IMPG2: variants seen among roughly 807,000 people sequenced by gnomAD.
The protein encoded by IMPG2 is interphotoreceptor matrix proteoglycan 2, also known as IPM 200.
Under a neutral mutation model 129.2 loss-of-function variants are expected in IMPG2, and 91 were observed. The observed-to-expected ratio is 0.70, with a 90% CI of 0.59 to 0.84. The LOEUF is 0.84. Among genes scored for constraint, IMPG2 ranks in the 40% least tolerant of loss-of-function variants. The pLI is 0.00. For missense variants in IMPG2, 1,430 were observed against 1,461.7 expected (o/e 0.98, Z 0.35); for synonymous variants, 510 against 517.7 (o/e 0.99, Z 0.20).
chr3:101,237,081 A>C (rs549040823), intron 14 of IMPG2, among the ~76,000 whole-genome samples: 35 of 152,270 alleles, frequency 2.3e-4, no homozygotes, highest in Middle Eastern at 3.4e-3. Flanking sequence ...TTCCCCTCAC[A>C]GTGTAAATAA....
chr3:101,288,132 A>G (rs941490475), intron 4 of IMPG2, among the ~76,000 whole-genome samples: 25 of 152,252 alleles, frequency 1.6e-4, no homozygotes, highest in African/African-American at 5.3e-4. Flanking sequence ...ATATGAAAAA[A>G]TGCTCAGCAT....
intron 2 of IMPG2, among the ~76,000 whole-genome samples, chr3:101,313,893 C>T (rs955425751): frequency 6.6e-6 from 1 of 151,956 alleles, no homozygotes; most frequent in Non-Finnish European, 1.5e-5. Context: ...AGCAAAGTTG[C>T]AGGATAAAAG....
At chr3:101,256,170 A>AAAG (rs1642492129) in intron 10 of IMPG2, among the ~76,000 whole-genome samples, 2 of 147,996 alleles carry the variant, frequency 1.4e-5, no homozygotes, top group South Asian at 4.4e-4. Flanking sequence ...AGAAAGAAAG[A>AAAG]AAGAAAGAAA....
chr3:101,288,286 T>C (rs1015481005), intron 4 of IMPG2, among the ~76,000 whole-genome samples: 2 of 152,188 alleles, frequency 1.3e-5, no homozygotes, highest in Non-Finnish European at 2.9e-5. Flanking sequence ...TTAGTAGGAA[T>C]GTAAATTAGT....
chr3:101,243,849 C>T lies in IMPG2; in HGVS notation c.2482G>A (p.Glu828Lys), dbSNP rs1385745860. Residue 828 changes from glutamate (E) to lysine (K), a missense_variant, in exon 13 of 19, where the codon GAG becomes AAG. Transcript: ENST00000193391. Reference protein sequence around the residue: ...LPPTTISTLLEDEVIMGVQDI... With the variant: ...LPPTTISTLLKDEVIMGVQDI... The stretch of plus-strand genomic sequence containing the variant: ...TGTACACCCATAATTACTTCATCCT[C>T]TAGCAGGGTGGAGATTGTGGTTGGA... The T allele has an allele frequency of 1.9e-6, 3 of 1,614,062 alleles. No homozygotes were observed. The highest frequency in any genetic ancestry group is 2.7e-5 in the African/African-American group (2 of 74,938).
intron 9 of IMPG2, among the ~76,000 whole-genome samples, chr3:101,266,962 A>G (rs1219230251): frequency 2.0e-5 from 3 of 152,182 alleles, no homozygotes; most frequent in Non-Finnish European, 2.9e-5. Context: ...CCAAGCCTCC[A>G]TTCAGTTACA....
At chr3:101,229,145 A>C (rs1706254856) in intron 17 of IMPG2, among the ~76,000 whole-genome samples, 1 of 151,984 alleles carries the variant, frequency 6.6e-6, no homozygotes, top group Non-Finnish European at 1.5e-5. Context: ...ACGCAAAAAA[A>C]AAAAAAAAGC....
At chr3:101,300,510 G>A (rs1192471401) in intron 3 of IMPG2, among the ~76,000 whole-genome samples, 1 of 152,222 alleles carries the variant, frequency 6.6e-6, no homozygotes, top group Non-Finnish European at 1.5e-5. Context: ...TGGGACCCTA[G>A]GCCCCGGAGG....
chr3:101,246,193 C>G, intron 11 of IMPG2, 88 bp from the exon 12 acceptor site: 1 of 1,294,786 alleles, frequency 7.7e-7, no homozygotes, highest in Non-Finnish European at 1.1e-6. Flanking sequence ...TCTATATTCC[C>G]AGATCTTCTA....
chr3:101,312,150 G>A (rs1576773454), intron 2 of IMPG2, among the ~76,000 whole-genome samples: 2 of 152,038 alleles, frequency 1.3e-5, no homozygotes, highest in East Asian at 3.9e-4. Flanking sequence ...TCTTAGTTAT[G>A]ACACCAAAGG....
At chr3:101,268,280 G>T (rs1214647737) in intron 8 of IMPG2, among the ~76,000 whole-genome samples, 1 of 152,146 alleles carries the variant, frequency 6.6e-6, no homozygotes, top group African/African-American at 2.4e-5. Context: ...AGGCAAGTTG[G>T]CTCCAAAGAC....
At chr3:101,318,186 A>C (rs1462309270) in intron 2 of IMPG2, among the ~76,000 whole-genome samples, 5 of 136,208 alleles carry the variant, frequency 3.7e-5, no homozygotes, top group African/African-American at 1.3e-4. Context: ...TAATAATAAT[A>C]ATATAAAGTA....
At chr3:101,308,136 C>A (rs1318002873) in intron 2 of IMPG2, among the ~76,000 whole-genome samples, 1 of 152,234 alleles carries the variant, frequency 6.6e-6, no homozygotes, top group Non-Finnish European at 1.5e-5. Flanking sequence ...CGCCTCCCAG[C>A]TGCCTTCACA....
intron 2 of IMPG2, among the ~76,000 whole-genome samples, chr3:101,307,149 A>G (rs140149999): frequency 6.6e-6 from 1 of 152,372 alleles, no homozygotes; most frequent in Non-Finnish European, 1.5e-5. Context: ...ACTGTTCACC[A>G]TCATTCATTT....
chr3:101,287,954 A>G (rs1380666436), intron 4 of IMPG2, among the ~76,000 whole-genome samples: 1 of 152,218 alleles, frequency 6.6e-6, no homozygotes, highest in African/African-American at 2.4e-5. Context: ...CTAAACAGAC[A>G]ACCTACAGAA....
At chr3:101,240,265 A>T (rs534532416) in intron 14 of IMPG2, among the ~76,000 whole-genome samples, 2 of 151,954 alleles carry the variant, frequency 1.3e-5, no homozygotes, top group Non-Finnish European at 2.9e-5. Context: ...CTACAGGCAT[A>T]TGCCACAGTG....
intron 14 of IMPG2, among the ~76,000 whole-genome samples, chr3:101,238,955 G>A (rs1706377045): frequency 6.6e-6 from 1 of 152,266 alleles, no homozygotes; most frequent in South Asian, 2.1e-4. Flanking sequence ...ACCCATCAGT[G>A]TGCTGTATTC....
chr3:101,234,163 G>A (rs1281271427), intron 14 of IMPG2, among the ~76,000 whole-genome samples: 1 of 149,364 alleles, frequency 6.7e-6, no homozygotes, highest in East Asian at 2.0e-4. Context: ...ATCAAGTTAA[G>A]AAGAGGCCAT....
In IMPG2 at chr3:101,225,740, G is replaced by A. The variant is rs1156527366; in HGVS notation, c.*1229C>T. ...GCATTAATAATAACCTATTGCATAT[G>A]CAATTTAATATCATGATGATGATGA... On this transcript the variant is annotated 3_prime_UTR_variant, in exon 19 of 19. Transcript: ENST00000193391. 6.6e-6 allele frequency: 1 copy of A among 152,054 alleles called. No individual in the cohort carries two copies. Among genetic ancestry groups the A allele is most frequent in the Non-Finnish European group, 1.5e-5 (1 of 68,012 alleles). 9.4% of individuals were successfully genotyped at this position (152,054 alleles called of 1,614,324 possible).
Sources: gnomAD v4.1 joint callset for allele counts (sites outside exome capture counted in the v4.1 genomes callset) on GRCh38, gnomAD v4.1.1 for gene constraint, MANE v1.5 for transcripts, NCBI Gene and HGNC (gene_info 2026-07-23, HGNC 2026-07-21) for gene names.